The following KSR2 variants were observed in gnomAD, a reference collection of about 807,000 sequenced individuals.
KSR2 encodes kinase suppressor of ras 2.
Under a neutral mutation model 107.8 loss-of-function variants are expected in KSR2, and 25 were observed. The ratio of observed to expected loss-of-function variants is 0.23; its 90% confidence interval spans 0.17 to 0.32. KSR2 has a LOEUF of 0.32. KSR2 is among the 10% of genes least tolerant of loss of function. The pLI, the probability that KSR2 is intolerant of heterozygous loss-of-function variation, is 1.00. For synonymous variants in KSR2, 480 were observed against 507.0 expected (o/e 0.95, Z 0.71); for missense variants, 887 against 1,268.9 (o/e 0.70, Z 4.57).
intron 7 of KSR2, among the ~76,000 whole-genome samples, chr12:117,564,095 T>C (rs987878885): frequency 6.6e-6 from 1 of 152,168 alleles, no homozygotes; most frequent in South Asian, 2.1e-4. Context: ...CAGTCCCTAA[T>C]GAATTTGGTT....
chr12:117,964,049 G>T (rs546453405), intron 1 of KSR2, among the ~76,000 whole-genome samples: 1 of 152,174 alleles, frequency 6.6e-6, no homozygotes, highest in African/African-American at 2.4e-5. Flanking sequence ...AGGCCGAGGC[G>T]GGCAGATCAT....
chr12:117,511,208 GT>G (rs1356199939), intron 14 of KSR2, among the ~76,000 whole-genome samples: 18 of 152,246 alleles, frequency 1.2e-4, no homozygotes, highest in Non-Finnish European at 2.2e-4. Flanking sequence ...CTCGGCTTCT[GT>G]TTCCTGATGA....
chr12:117,491,330 C>G (rs960564380), intron 14 of KSR2, among the ~76,000 whole-genome samples: 2 of 152,160 alleles, frequency 1.3e-5, no homozygotes, highest in African/African-American at 4.8e-5. Flanking sequence ...CAGGTGCCTA[C>G]CACCACGCCT....
intron 5 of KSR2, among the ~76,000 whole-genome samples, chr12:117,637,681 T>TTTTG (rs1565938409): frequency 3.2e-5 from 4 of 125,094 alleles, no homozygotes; most frequent in African/African-American, 1.3e-4. Flanking sequence ...TTGGGTTTTT[T>TTTTG]TTTTTTTTTT....
At chr12:117,827,034 C>CAAAAAAAA (rs58583797) in intron 3 of KSR2, among the ~76,000 whole-genome samples, 4 of 103,568 alleles carry the variant, frequency 3.9e-5, no homozygotes, top group African/African-American at 1.5e-4. Flanking sequence ...GACCCTGTCT[C>CAAAAAAAA]AAAAAAAAAA....
chr12:117,664,737 A>G (rs1446772939), intron 5 of KSR2, among the ~76,000 whole-genome samples: 1 of 152,168 alleles, frequency 6.6e-6, no homozygotes, highest in Non-Finnish European at 1.5e-5. Flanking sequence ...AAGTGATACA[A>G]TGCAGGCTAG....
At chr12:117,542,818 C>A (rs941862336) in intron 9 of KSR2, among the ~76,000 whole-genome samples, 1 of 152,216 alleles carries the variant, frequency 6.6e-6, no homozygotes, top group Non-Finnish European at 1.5e-5. Flanking sequence ...ATAATTTTAT[C>A]ATTTCACTGT....
At chr12:117,559,469 G>A (rs570477423) in intron 7 of KSR2, among the ~76,000 whole-genome samples, 11 of 152,146 alleles carry the variant, frequency 7.2e-5, no homozygotes, top group African/African-American at 2.7e-4. Context: ...TCACGAAATG[G>A]GCATTATTAT....
intron 5 of KSR2, among the ~76,000 whole-genome samples, chr12:117,625,152 G>A (rs1882404645): frequency 6.6e-6 from 1 of 152,062 alleles, no homozygotes; most frequent in Non-Finnish European, 1.5e-5. Flanking sequence ...CTGCAAACAC[G>A]GACAATTTGA....
Position 117,656,941 on chromosome 12 carries a change from G to GAGATATATAT in KSR2, c.1171+10532_1171+10533insATATATATCT, listed in dbSNP as rs372591941. On this transcript the variant is annotated intron_variant, in intron 5 of 19. Coordinates refer to ENST00000339824, the MANE Select transcript of KSR2 (RefSeq NM_173598.6). ...GTGTGTGTATACATATATATAATAG[G>GAGATATATAT]ATATATATATATATATAATAGGATA... is the stretch of plus-strand genomic sequence containing the variant. Among the ~76,000 whole-genome samples, 164 of 102,144 alleles carry GAGATATATAT rather than the reference G, an allele frequency of 1.6e-3. 3 individuals are homozygous for GAGATATATAT. The East Asian group carries it at 0.016, about 10-fold the overall frequency. The allele number at this position is 102,144 out of a possible 152,430, so 67.0% of individuals were successfully genotyped here. A position where few individuals can be genotyped will look rare whatever the true frequency, so the allele number is the denominator to read the frequency against.
At chr12:117,507,014 G>A (rs1363657868) in intron 14 of KSR2, among the ~76,000 whole-genome samples, 2 of 152,128 alleles carry the variant, frequency 1.3e-5, no homozygotes, top group African/African-American at 4.8e-5. Flanking sequence ...CCAACCACTG[G>A]AAAAGCTGAA....
intron 1 of KSR2, among the ~76,000 whole-genome samples, chr12:117,903,172 A>G (rs993569854): frequency 7.9e-5 from 12 of 152,202 alleles, no homozygotes; most frequent in African/African-American, 2.9e-4. Flanking sequence ...GGTTTGATAG[A>G]ATTATGGTAA....
chr12:117,557,828 C>A (rs1457755923), intron 8 of KSR2, among the ~76,000 whole-genome samples: 1 of 152,114 alleles, frequency 6.6e-6, no homozygotes, highest in East Asian at 1.9e-4. Context: ...CCCCATAGGG[C>A]AAAGATCAGG....
intron 14 of KSR2, among the ~76,000 whole-genome samples, chr12:117,522,621 A>C (rs1029339476): frequency 2.6e-5 from 4 of 152,232 alleles, no homozygotes; most frequent in Non-Finnish European, 5.9e-5. Flanking sequence ...CTTCCCATTC[A>C]GAAGTAGAGG....
At chr12:117,474,910 G>A (rs895498194) in intron 17 of KSR2, among the ~76,000 whole-genome samples, 5 of 152,014 alleles carry the variant, frequency 3.3e-5, no homozygotes, top group African/African-American at 9.7e-5. Flanking sequence ...CACCGCCATG[G>A]TCTCCACCTT....
chr12:117,749,689 A>G (rs1888544215), intron 4 of KSR2, among the ~76,000 whole-genome samples: 1 of 152,200 alleles, frequency 6.6e-6, no homozygotes, highest in Non-Finnish European at 1.5e-5. Context: ...TGCTGTCTGT[A>G]TAAGCCTCTG....
intron 4 of KSR2, among the ~76,000 whole-genome samples, chr12:117,703,042 C>T (rs534870009): frequency 2.6e-5 from 4 of 152,026 alleles, no homozygotes; most frequent in Non-Finnish European, 4.4e-5. Context: ...TCAGACTTAT[C>T]GACTCTTTGG....
intron 1 of KSR2, among the ~76,000 whole-genome samples, chr12:117,930,661 T>C (rs1029369604): frequency 1.3e-5 from 2 of 152,162 alleles, no homozygotes; most frequent in African/African-American, 4.8e-5. Flanking sequence ...CATGCCTATA[T>C]TCCCAGTACT....
intron 4 of KSR2, among the ~76,000 whole-genome samples, chr12:117,674,669 C>T (rs1032326908): frequency 6.6e-6 from 1 of 152,192 alleles, no homozygotes; most frequent in African/African-American, 2.4e-5. Flanking sequence ...CATGTTCTAG[C>T]ATGGATCACC....
Sources: gnomAD v4.1 joint callset for allele counts (sites outside exome capture counted in the v4.1 genomes callset) on GRCh38, gnomAD v4.1.1 for gene constraint, MANE v1.5 for transcripts, NCBI Gene and HGNC (gene_info 2026-07-23, HGNC 2026-07-21) for gene names.